DNMBP: variants seen among roughly 807,000 people sequenced by gnomAD.
DNMBP encodes dynamin-binding protein.
In DNMBP, 87 loss-of-function variants were observed where a neutral mutation model predicts 150.0. The ratio of observed to expected loss-of-function variants is 0.58; its 90% CI spans 0.49 to 0.69. The LOEUF is 0.69. Among genes scored for constraint, DNMBP ranks in the 30% least tolerant of loss-of-function variants. The probability of loss-of-function intolerance (pLI) is 0.00; values close to 1 mark genes in which losing one functional copy is unlikely to be tolerated. For synonymous variants in DNMBP, 711 were observed against 750.4 expected, an observed-to-expected ratio of 0.95 and a Z score of 0.86; for missense variants, 1,774 against 1,949.0, an observed-to-expected ratio of 0.91 and a Z score of 1.69.
chr10:99,895,106 TG>T, intron 10 of DNMBP, 56 bp from the exon 11 acceptor site: 3 of 839,058 alleles, frequency 3.6e-6, no homozygotes, highest in Non-Finnish European at 3.7e-6. Context: ...TTAATCTTAC[TG>T]GCAAAAGTAG....
At chr10:99,909,305 C>G (rs1340756556) in intron 4 of DNMBP, among the ~76,000 whole-genome samples, 159 bp from the exon 5 acceptor site, 1 of 152,234 alleles carries the variant, frequency 6.6e-6, no homozygotes, top group Non-Finnish European at 1.5e-5. Context: ...ACAGGGACAG[C>G]TGAAGCGCTT....
In DNMBP at chr10:99,879,975, T is replaced by C. The variant is rs199767331; in HGVS notation, c.4384A>G (p.Thr1462Ala). ...VARDVKQPTA[T>A]PRSYRNFRHP... ...CTGAAGTTCCGGTAGCTCCTCGGCG[T>C]GGCAGTGGGTTGCTTTACATCTCTA... is the stretch of plus-strand genomic sequence containing the variant. The change falls in exon 16 of 17, where the codon ACG becomes GCG. Residue 1462 changes from threonine (T) to alanine (A), a missense_variant. By Grantham distance (58) the Thr-to-Ala change is moderately conservative. Around this residue, in one of 2 missense-constraint regions of DNMBP, gnomAD observed 1,430 missense variants for 1,492.5 expected, o/e 0.96. Transcript: ENST00000324109. 10 of 1,614,236 alleles carry C rather than the reference T, an allele frequency of 6.2e-6. No homozygotes were observed. The Admixed American group carries it at 1.7e-4, about 27-fold the overall frequency.
intron 4 of DNMBP, among the ~76,000 whole-genome samples, chr10:99,952,368 G>A (rs2040433970): frequency 6.6e-6 from 1 of 152,166 alleles, no homozygotes; most frequent in Admixed American, 6.5e-5. Flanking sequence ...CTAGGGCTTT[G>A]GGAATGTAAC....
chr10:99,895,022 T>A lies in DNMBP; in HGVS notation c.3080A>T (p.Glu1027Val), dbSNP rs866401862. ...QIKDEVFEET[E>V]KNFRMQERLI... is the part of the protein sequence containing the mutation. ...TCTTTCTTGCATTCGGAAGTTTTTT[T>A]CTGTTTCTTCAAATACTTCATCTTT... Residue 1027 changes from glutamate (E) to valine (V), a missense_variant, in exon 11 of 17, where the codon GAA becomes GTA. By Grantham distance (121) the Glu-to-Val change is moderately radical. Transcript: ENST00000324109. 1 of 1,612,802 alleles carries A rather than the reference T, an allele frequency of 6.2e-7. No individual in the cohort carries two copies. The highest frequency in any genetic ancestry group is 1.7e-4 in the Middle Eastern group (1 of 6,060).
intron 4 of DNMBP, among the ~76,000 whole-genome samples, chr10:99,915,900 T>C (rs1262157199): frequency 6.6e-6 from 1 of 152,148 alleles, no homozygotes; most frequent in Non-Finnish European, 1.5e-5. Flanking sequence ...CTACCTTGGC[T>C]CCAGAGTCTG....
Position 99,987,133 on chromosome 10 carries a change from C to T in DNMBP, c.-10-14999G>A, listed in dbSNP as rs542458911. ...TCGCGCCACTGCACTCTAGCCTGGG[C>T]GACAGAGCAAGACTCCATCTCAAAA... On this transcript the variant is annotated intron_variant, in intron 1 of 16. Transcript: ENST00000324109. Among the ~76,000 whole-genome samples the T allele has an allele frequency of 4.8e-4, 68 of 142,204 alleles. 2 individuals are homozygous for T. Among genetic ancestry groups the T allele is most frequent in the African/African-American group, 1.7e-3 (63 of 37,432 alleles). 93.3% of individuals were successfully genotyped at this position (142,204 alleles called of 152,430 possible).
chr10:99,902,957 C>T (rs2039767328), intron 6 of DNMBP, among the ~76,000 whole-genome samples: 1 of 151,524 alleles, frequency 6.6e-6, no homozygotes, highest in Non-Finnish European at 1.5e-5. Context: ...TGTTTTGAGA[C>T]AAGGTCTCAC....
intron 4 of DNMBP, among the ~76,000 whole-genome samples, chr10:99,923,858 A>G (rs2040049139): frequency 6.6e-6 from 1 of 152,200 alleles, no homozygotes; most frequent in Non-Finnish European, 1.5e-5. Context: ...AGCTCAAGCA[A>G]AAACTGGTCT....
rs1289352621 is a variant in DNMBP, at chr10:99,955,506, A to G, written c.1968T>C (p.Asn656=). The G allele has an allele frequency of 1.9e-6, 3 of 1,598,400 alleles. No homozygotes were observed. Among genetic ancestry groups the G allele is most frequent in the African/African-American group, 2.7e-5 (2 of 74,200 alleles). ...GAGATAGGAGCTTGGGGGATACCGC[A>G]TTCGTTCTCTGCTGTGCTGAGGGAG... ...PLPPSAQQRT[N]AVSPKLLSRH... The change falls in exon 4 of 17, where the codon AAT becomes AAC. Residue 656 remains asparagine, a synonymous_variant. Transcript: ENST00000324109.
intron 11 of DNMBP, 49 bp from the exon 12 acceptor site, chr10:99,889,002 G>A: frequency 1.2e-6 from 2 of 1,603,856 alleles, no homozygotes; most frequent in Non-Finnish European, 1.7e-6. Context: ...GAACTTTCCA[G>A]CTTTTGTCAT....
At chr10:99,962,053 A>G (rs534445534) in intron 3 of DNMBP, among the ~76,000 whole-genome samples, 2 of 151,110 alleles carry the variant, frequency 1.3e-5, no homozygotes, top group African/African-American at 2.4e-5. Flanking sequence ...TCCATCTGAA[A>G]CCTAGGCTTG....
rs11190313 is a variant in DNMBP, at chr10:99,904,669, C to T, written c.2554+3326G>A. The stretch of plus-strand genomic sequence containing the variant: ...TAAAAATTAGTCCTTGCGCCTAGGT[C>T]TCAGCCTTTCAGTGTTGAGGCCTCT... On this transcript the variant is annotated intron_variant, in intron 6 of 16. Coordinates refer to ENST00000324109, the MANE Select transcript of DNMBP (RefSeq NM_015221.4). 4.3e-3 allele frequency among the ~76,000 whole-genome samples: 658 copies of T among 152,292 alleles called. 7 individuals are homozygous for T. The highest frequency in any genetic ancestry group is 0.015 in the African/African-American group (619 of 41,564).
At chr10:99,880,388 A>G (rs891387271) in intron 15 of DNMBP, 27 bp from the exon 16 acceptor site, 1 of 1,527,844 alleles carries the variant, frequency 6.5e-7, no homozygotes, top group African/African-American at 1.4e-5. Flanking sequence ...AAATATAAAC[A>G]AGAACTCTTA....
At chr10:99,926,032 C>T (rs1394395985) in intron 4 of DNMBP, among the ~76,000 whole-genome samples, 1 of 152,124 alleles carries the variant, frequency 6.6e-6, no homozygotes. Context: ...TTGTTTAGAG[C>T]CCTCTCTAGT....
chr10:99,991,048 T>C (rs993343332), intron 1 of DNMBP, among the ~76,000 whole-genome samples: 3 of 152,012 alleles, frequency 2.0e-5, no homozygotes, highest in African/African-American at 7.2e-5. Context: ...CCATTATCAC[T>C]ATCAATTTTA....
chr10:99,974,502 TTTTTC>T (rs1365776490), intron 1 of DNMBP, among the ~76,000 whole-genome samples: 5 of 152,136 alleles, frequency 3.3e-5, no homozygotes, highest in Admixed American at 6.6e-5. Context: ...CTGAAATCTG[TTTTTC>T]TTTTCTTTTC....
intron 1 of DNMBP, among the ~76,000 whole-genome samples, chr10:99,986,700 A>G (rs2040831831): frequency 6.6e-6 from 1 of 151,942 alleles, no homozygotes; most frequent in Non-Finnish European, 1.5e-5. Flanking sequence ...AGCTTGAAAC[A>G]ATCAGAGGTT....
At chr10:99,966,624 C>G (rs1168863451) in intron 3 of DNMBP, among the ~76,000 whole-genome samples, 1 of 152,200 alleles carries the variant, frequency 6.6e-6, no homozygotes, top group Admixed American at 6.5e-5. Flanking sequence ...TGAGTAAGGA[C>G]AGATAAGGTC....
chr10:99,979,238 G>T (rs111333557), intron 1 of DNMBP, among the ~76,000 whole-genome samples: 1 of 152,112 alleles, frequency 6.6e-6, no homozygotes, highest in Non-Finnish European at 1.5e-5. Flanking sequence ...GGACAGTAGC[G>T]TTTAGAGTCT....
Sources: gnomAD v4.1 joint callset for allele counts (sites outside exome capture counted in the v4.1 genomes callset) on GRCh38, gnomAD v4.1.1 for gene constraint, gnomAD v4.1.1 regional missense constraint, MANE v1.5 for transcripts, NCBI Gene and HGNC (gene_info 2026-07-23, HGNC 2026-07-21) for gene names.